Variants in PTK7 observed in about 807,000 individuals in gnomAD.
PTK7 encodes inactive tyrosine-protein kinase 7.
PTK7 carries 39 observed loss-of-function variants against 116.6 expected under a neutral mutation model. The observed-to-expected ratio is 0.33, with a 90% CI of 0.26 to 0.44. The LOEUF (loss-of-function observed/expected upper bound fraction) is 0.44, where lower values mean the gene tolerates loss of function less well. Among genes scored for constraint, PTK7 ranks in the 20% least tolerant of loss-of-function variants. The pLI is 1.00. For missense variants in PTK7, 1,169 were observed against 1,425.6 expected, an observed-to-expected ratio of 0.82 and a Z score of 2.90; for synonymous variants, 546 against 563.6, an observed-to-expected ratio of 0.97 and a Z score of 0.44.
intron 1 of PTK7, among the ~76,000 whole-genome samples, chr6:43,108,200 T>A (rs1407886717): frequency 6.6e-6 from 1 of 151,206 alleles, no homozygotes; most frequent in East Asian, 1.9e-4. Flanking sequence ...GTTCAAGCGA[T>A]TCTCCTGCCT....
intron 1 of PTK7, among the ~76,000 whole-genome samples, chr6:43,116,295 C>T (rs979151758): frequency 1.3e-5 from 2 of 152,250 alleles, no homozygotes; most frequent in East Asian, 1.9e-4. Context: ...GCTGGCCAGC[C>T]GTGAGAAGGG....
At position 43,148,288 on chromosome 6, in the gene PTK7, G is replaced by A. The variant is rs556992525; in HGVS notation, c.2721+1590G>A. Among the ~76,000 whole-genome samples, 6 of 152,124 alleles carry A rather than the reference G, an allele frequency of 3.9e-5. No homozygotes were observed. The South Asian group carries it at 1.2e-3, about 32-fold the overall frequency. On this transcript the variant is annotated intron_variant, in intron 17 of 19. Transcript: ENST00000230419. Reference sequence around the variant, plus strand: ...GAGGGGGGGAAAGGACAGGCATCTTGCCCTTGGGGCACTTATGATCTAGTG... The same window carrying A: ...GAGGGGGGGAAAGGACAGGCATCTTACCCTTGGGGCACTTATGATCTAGTG...
At chr6:43,131,185 C>T (rs938608805) in intron 5 of PTK7, among the ~76,000 whole-genome samples, 2 of 152,182 alleles carry the variant, frequency 1.3e-5, no homozygotes, top group African/African-American at 2.4e-5. Context: ...GTGTCAGGCA[C>T]GACCATGGTC....
intron 5 of PTK7, among the ~76,000 whole-genome samples, chr6:43,131,371 G>T (rs1479682856): frequency 6.6e-6 from 1 of 151,320 alleles, no homozygotes; most frequent in African/African-American, 2.4e-5. Flanking sequence ...GCACATGGTG[G>T]TTATTCTGTG....
intron 1 of PTK7, among the ~76,000 whole-genome samples, chr6:43,102,544 C>T (rs889053306): frequency 6.6e-6 from 1 of 151,496 alleles, no homozygotes; most frequent in Non-Finnish European, 1.5e-5. Flanking sequence ...CATTGAGATC[C>T]TACCACTGCA....
chr6:43,159,107 C>T (rs1205665656), intron 18 of PTK7, 139 bp downstream of exon 18: 5 of 1,103,218 alleles, frequency 4.5e-6, no homozygotes, highest in Non-Finnish European at 5.1e-6. Context: ...TAGGGAAGAG[C>T]TTTCTCATCC....
At chr6:43,113,401 C>T (rs1294113786) in intron 1 of PTK7, among the ~76,000 whole-genome samples, 1 of 152,098 alleles carries the variant, frequency 6.6e-6, no homozygotes, top group Non-Finnish European at 1.5e-5. Context: ...CCACTGCACT[C>T]CAGCCTGGGT....
rs1304906845 is a variant in PTK7 at position 43,076,331 on chromosome 6, C to CCGGCTCGGGA, written c.-155_-146dup. The stretch of plus-strand genomic sequence containing the variant: ...TCGGAGGTACTGGGCGCGCGCGGCT[C>CCGGCTCGGGA]CGGCTCGGGACGCCTCGGGACGCCT... On this transcript the variant is annotated 5_prime_UTR_variant, in exon 1 of 20. Coordinates refer to ENST00000230419, the MANE Select transcript of PTK7 (RefSeq NM_002821.5). The surrounding 1 kb of genome is among the most constrained non-coding windows in gnomAD (Gnocchi z 5.7). 3.0e-5 allele frequency: 9 copies of CCGGCTCGGGA among 300,692 alleles called. No individual in the cohort carries two copies. The highest frequency in any genetic ancestry group is 1.4e-4 in the African/African-American group (6 of 44,324). 18.6% of individuals were successfully genotyped at this position (300,692 alleles called of 1,614,324 possible).
rs1770523575 is a variant in PTK7 at position 43,143,240 on chromosome 6, C to T, written c.2048-177C>T. On this transcript the variant is annotated intron_variant, in intron 13 of 19. Coordinates refer to ENST00000230419, the MANE Select transcript of PTK7 (RefSeq NM_002821.5). This position sits in a 1 kb window ranked among gnomAD's most constrained non-coding sequence, Gnocchi z 4.2. Reference sequence around the variant, plus strand: ...CTGGCCTCATCTCCTTCAGAGTCTTCGTTTGACCTTGGTGGGGCATGAGGA... The same window carrying T: ...CTGGCCTCATCTCCTTCAGAGTCTTTGTTTGACCTTGGTGGGGCATGAGGA... The T allele has an allele frequency of 3.2e-6, 2 of 619,658 alleles. No homozygotes were observed. The highest frequency in any genetic ancestry group is 2.0e-5 in the South Asian group (1 of 50,168). 38.4% of individuals were successfully genotyped at this position (619,658 alleles called of 1,614,324 possible).
chr6:43,088,078 G>T (rs1489448562), intron 1 of PTK7, among the ~76,000 whole-genome samples: 1 of 151,354 alleles, frequency 6.6e-6, no homozygotes, highest in Non-Finnish European at 1.5e-5. Flanking sequence ...CGTGAGGATT[G>T]CTTGAGCCCA....
In PTK7 at chr6:43,145,526, G is replaced by A. The variant is rs538225682; in HGVS notation, c.2640+94G>A. 9.7e-7 allele frequency: 1 copy of A among 1,035,858 alleles called. No individual in the cohort carries two copies. Among genetic ancestry groups the A allele is most frequent in the Admixed American group, 2.9e-5 (1 of 34,822 alleles). 64.2% of individuals were successfully genotyped at this position (1,035,858 alleles called of 1,614,324 possible). A position where few individuals can be genotyped will look rare whatever the true frequency, so the allele number is the denominator to read the frequency against. On this transcript the variant is annotated intron_variant, in intron 16 of 19. Coordinates refer to ENST00000230419, the MANE Select transcript of PTK7 (RefSeq NM_002821.5). This position sits in a 1 kb window ranked among gnomAD's most constrained non-coding sequence, Gnocchi z 4.8. Reference sequence around the variant, plus strand: ...GTGGTTGGAGCACCGTGAAAACCTTGTCTCGTGCAGTCTCAGCCGAGACCT... The same window carrying A: ...GTGGTTGGAGCACCGTGAAAACCTTATCTCGTGCAGTCTCAGCCGAGACCT...
chr6:43,152,819 C>T (rs1212684198), intron 17 of PTK7, among the ~76,000 whole-genome samples: 2 of 151,132 alleles, frequency 1.3e-5, no homozygotes, highest in African/African-American at 2.4e-5. Flanking sequence ...AGAGTCTTAC[C>T]CTGTCGACCA....
At chr6:43,080,544 G>A (rs1403465914) in intron 1 of PTK7, among the ~76,000 whole-genome samples, 1 of 152,180 alleles carries the variant, frequency 6.6e-6, no homozygotes, top group African/African-American at 2.4e-5. Flanking sequence ...ATCTGGCAAA[G>A]CAGCAACTCA....
chr6:43,121,260 C>T (rs1768943849), intron 1 of PTK7, among the ~76,000 whole-genome samples: 1 of 152,152 alleles, frequency 6.6e-6, no homozygotes, highest in Non-Finnish European at 1.5e-5. Context: ...AATCTGCCCC[C>T]TCCAGGGCCT....
In PTK7 at chr6:43,142,348, G is replaced by A. The variant is rs372652337; in HGVS notation, c.2047+49G>A. The A allele has an allele frequency of 1.7e-5, 28 of 1,612,916 alleles. 1 individual carries two copies. Among genetic ancestry groups the A allele is most frequent in the African/African-American group, 1.5e-4 (11 of 75,006 alleles). On this transcript the variant is annotated intron_variant, in intron 13 of 19. Transcript: ENST00000230419. The stretch of plus-strand genomic sequence containing the variant: ...TGCACAGGAAGTGGTGGGCCCAGAC[G>A]TTTGTCACCTTGTACTCAGCCCCTG...
intron 1 of PTK7, among the ~76,000 whole-genome samples, chr6:43,115,701 C>T (rs904809986): frequency 4.6e-5 from 7 of 151,768 alleles, no homozygotes; most frequent in Non-Finnish European, 7.4e-5. Flanking sequence ...TTTGGGAGGC[C>T]GAGATGGGCA....
chr6:43,129,075 C>T lies in PTK7; in HGVS notation c.178C>T (p.Pro60Ser). The T allele has an allele frequency of 6.2e-7, 1 of 1,614,204 alleles. No individual in the cohort carries two copies. The highest frequency in any genetic ancestry group is 1.3e-5 in the African/African-American group (1 of 75,056). Reference sequence around the variant, plus strand: ...TCGCTGTGAGGTTGAGGCTCCGGGCCCGGTACATGTGTACTGGCTGCTCGA... The same window carrying T: ...TCGCTGTGAGGTTGAGGCTCCGGGCTCGGTACATGTGTACTGGCTGCTCGA... Reference protein sequence around the residue: ...LLRCEVEAPGPVHVYWLLDGA... With the variant: ...LLRCEVEAPGSVHVYWLLDGA... The change falls in exon 2 of 20, where the codon CCG becomes TCG. Residue 60 changes from proline (P) to serine (S), a missense_variant. Transcript: ENST00000230419. The surrounding 1 kb of genome is among the most constrained non-coding windows in gnomAD (Gnocchi z 4.5).
chr6:43,097,208 G>T (rs1423927542), intron 1 of PTK7, among the ~76,000 whole-genome samples: 4 of 152,302 alleles, frequency 2.6e-5, no homozygotes, highest in South Asian at 2.1e-4. Context: ...GGGCAGGAAG[G>T]CCCCTGCATC....
At chr6:43,146,520 C>T in intron 16 of PTK7, 98 bp from the exon 17 acceptor site, 1 of 1,169,216 alleles carries the variant, frequency 8.6e-7, no homozygotes, top group Admixed American at 1.8e-5. Flanking sequence ...TTCTCACTGC[C>T]TCCCCAGGCA....
Sources: gnomAD v4.1 joint callset for allele counts (sites outside exome capture counted in the v4.1 genomes callset) on GRCh38, gnomAD v4.1.1 for gene constraint, Gnocchi (gnomAD v3.1) non-coding constraint, MANE v1.5 for transcripts, NCBI Gene and HGNC (gene_info 2026-07-23, HGNC 2026-07-21) for gene names.